RNF150: variants seen among roughly 807,000 people sequenced by gnomAD.
The protein encoded by RNF150 is ring finger protein 150.
RNF150 carries 24 observed loss-of-function variants against 39.3 expected under a neutral mutation model. The ratio of observed to expected loss-of-function variants is 0.61; its 90% CI spans 0.44 to 0.86. RNF150 has a LOEUF of 0.86. Among genes scored for constraint, RNF150 ranks in the 40% least tolerant of loss-of-function variants. The pLI is 0.00. For synonymous variants in RNF150, 255 were observed against 227.3 expected (o/e 1.12, Z -1.10); for missense variants, 502 against 587.8 (o/e 0.85, Z 1.51).
At chr4:141,027,635 A>C (rs1307250596) in intron 1 of RNF150, among the ~76,000 whole-genome samples, 1 of 152,020 alleles carries the variant, frequency 6.6e-6, no homozygotes, top group Non-Finnish European at 1.5e-5. Flanking sequence ...GCCTATAAAA[A>C]TCTCTCATGT....
chr4:141,182,200 A>G (rs11728869), intron 1 of RNF150, among the ~76,000 whole-genome samples: 274 of 136,076 alleles, frequency 2.0e-3, no homozygotes, highest in Non-Finnish European at 3.5e-3. Flanking sequence ...AGAGCTATCT[A>G]TGACAAACCC....
chr4:141,182,998 G>A (rs1727938017), intron 1 of RNF150, among the ~76,000 whole-genome samples: 1 of 152,148 alleles, frequency 6.6e-6, no homozygotes, highest in Non-Finnish European at 1.5e-5. Context: ...GATCAATGGA[G>A]CTTGGGCTTC....
intron 1 of RNF150, among the ~76,000 whole-genome samples, chr4:141,010,715 C>T (rs1735045008): frequency 6.6e-6 from 1 of 152,058 alleles, no homozygotes; most frequent in African/African-American, 2.4e-5. Context: ...CTATCCACAC[C>T]CGCCGCTAAC....
chr4:141,188,313 C>T (rs1205658248), intron 1 of RNF150, among the ~76,000 whole-genome samples: 2 of 152,124 alleles, frequency 1.3e-5, no homozygotes, highest in Non-Finnish European at 2.9e-5. Flanking sequence ...GTGAATCTGA[C>T]AATTATGTGT....
At chr4:141,113,683 C>T (rs1282085518) in intron 1 of RNF150, among the ~76,000 whole-genome samples, 1 of 152,182 alleles carries the variant, frequency 6.6e-6, no homozygotes, top group Non-Finnish European at 1.5e-5. Context: ...CAGACATCTA[C>T]AGAATTCTCC....
chr4:140,935,855 G>A (rs1478389542), intron 4 of RNF150, among the ~76,000 whole-genome samples: 3 of 152,068 alleles, frequency 2.0e-5, no homozygotes, highest in African/African-American at 7.2e-5. Context: ...GATTTCTTAA[G>A]TGTGTGTATG....
At chr4:140,965,616 G>A (rs969033002) in intron 2 of RNF150, among the ~76,000 whole-genome samples, 7 of 152,020 alleles carry the variant, frequency 4.6e-5, no homozygotes, top group African/African-American at 1.4e-4. Context: ...ACATAGATGG[G>A]CCTGGAGGAC....
At chr4:141,063,329 A>T (rs1038192357) in intron 1 of RNF150, among the ~76,000 whole-genome samples, 20 of 152,362 alleles carry the variant, frequency 1.3e-4, no homozygotes, top group Admixed American at 1.2e-3. Context: ...TCCCTTCCAA[A>T]AGGACATGGA....
chr4:141,067,650 C>T (rs538346642), intron 1 of RNF150, among the ~76,000 whole-genome samples: 23 of 152,232 alleles, frequency 1.5e-4, no homozygotes, highest in South Asian at 2.1e-4. Context: ...TTGGTTTTCT[C>T]GACCAATCAA....
At chr4:141,069,663 G>T (rs1174207027) in intron 1 of RNF150, among the ~76,000 whole-genome samples, 1 of 151,170 alleles carries the variant, frequency 6.6e-6, no homozygotes, top group African/African-American at 2.4e-5. Context: ...ACTTCTGGTA[G>T]AATTCGGCTG....
rs1356146618 is a variant in RNF150 at position 140,862,825 on chromosome 4, T to C, written c.*5436A>G. 2.0e-5 allele frequency: 3 copies of C among 152,180 alleles called. No homozygotes were observed. Among genetic ancestry groups the C allele is most frequent in the Non-Finnish European group, 4.4e-5 (3 of 68,034 alleles). 9.4% of individuals were successfully genotyped at this position (152,180 alleles called of 1,614,324 possible). On this transcript the variant is annotated 3_prime_UTR_variant, in exon 7 of 7. Coordinates refer to ENST00000515673, the MANE Select transcript of RNF150 (RefSeq NM_020724.2). The stretch of plus-strand genomic sequence containing the variant: ...CTAAACCTAGGGATGAGCATTTACT[T>C]GGGGACAGCACGCACATTTTGTTAA...
chr4:141,170,431 C>A (rs1385000104), intron 1 of RNF150, among the ~76,000 whole-genome samples: 1 of 152,094 alleles, frequency 6.6e-6, no homozygotes. Flanking sequence ...CTGTCAAAAT[C>A]CATTTTTTAC....
chr4:140,962,311 CT>C (rs1423445390), intron 2 of RNF150, among the ~76,000 whole-genome samples: 2 of 151,798 alleles, frequency 1.3e-5, no homozygotes, highest in African/African-American at 4.8e-5. Flanking sequence ...CTTTAAAATT[CT>C]GTTCCTCAGT....
At chr4:140,993,676 G>A (rs1734270189) in intron 1 of RNF150, among the ~76,000 whole-genome samples, 2 of 152,164 alleles carry the variant, frequency 1.3e-5, no homozygotes, top group South Asian at 4.1e-4. Flanking sequence ...AGGTCTTCAC[G>A]CAGCTTGAAT....
chr4:141,120,851 G>A (rs187123140), intron 1 of RNF150, among the ~76,000 whole-genome samples: 1 of 152,242 alleles, frequency 6.6e-6, no homozygotes, highest in East Asian at 1.9e-4. Context: ...TTGAGCAGAG[G>A]AGTGATTGCC....
Position 141,132,621 on chromosome 4 carries a change from C to G in RNF150, c.188G>C (p.Gly63Ala). 1 of 1,546,912 alleles carries G rather than the reference C, an allele frequency of 6.5e-7. No individual in the cohort carries two copies. Among genetic ancestry groups the G allele is most frequent in the Non-Finnish European group, 8.7e-7 (1 of 1,150,504 alleles). Residue 63 changes from glycine to alanine, a missense_variant, in exon 1 of 7, where the codon GGC becomes GCC. By Grantham distance (60) the Gly-to-Ala change is moderately conservative (BLOSUM62 0). Coordinates refer to ENST00000515673, the MANE Select transcript of RNF150 (RefSeq NM_020724.2). This position sits in a 1 kb window ranked among gnomAD's most constrained non-coding sequence, Gnocchi z 4.9. Reference sequence around the variant, plus strand: ...CTTCTCCGTGTGCAGCTCCGCGCCGCCGCCGCCCGCCGCCCCGGCCCCGGG... The same window carrying G: ...CTTCTCCGTGTGCAGCTCCGCGCCGGCGCCGCCCGCCGCCCCGGCCCCGGG... ...PDPGAGAAGG[G>A]GAELHTEKTE...
chr4:141,081,333 A>T (rs922456383), intron 1 of RNF150, among the ~76,000 whole-genome samples: 7 of 152,204 alleles, frequency 4.6e-5, no homozygotes, highest in African/African-American at 1.7e-4. Flanking sequence ...CAAAGAAAAC[A>T]CAGAAGAGAG....
chr4:141,140,174 T>C (rs548975522), intron 1 of RNF150, among the ~76,000 whole-genome samples: 17 of 152,218 alleles, frequency 1.1e-4, no homozygotes, highest in African/African-American at 3.9e-4. Context: ...TTTTAGAGAG[T>C]ATGCATGAAA....
intron 4 of RNF150, among the ~76,000 whole-genome samples, 164 bp downstream of exon 4, chr4:140,947,490 G>C (rs1578993947): frequency 6.6e-6 from 1 of 152,120 alleles, no homozygotes; most frequent in Non-Finnish European, 1.5e-5. Flanking sequence ...AAGGACAAAG[G>C]TTATACAAAA....
Sources: gnomAD v4.1 joint callset for allele counts (sites outside exome capture counted in the v4.1 genomes callset) on GRCh38, gnomAD v4.1.1 for gene constraint, Gnocchi (gnomAD v3.1) non-coding constraint, MANE v1.5 for transcripts, NCBI Gene and HGNC (gene_info 2026-07-23, HGNC 2026-07-21) for gene names.